Variants in CERKL observed in about 807,000 individuals in gnomAD.
The protein encoded by CERKL is CERK like autophagy regulator.
Under a neutral mutation model 63.4 loss-of-function variants are expected in CERKL, and 61 were observed. The ratio of observed to expected loss-of-function variants is 0.96; its 90% CI spans 0.78 to 1.19. The LOEUF is 1.19. Among genes scored for constraint, CERKL ranks in the 50% most tolerant of loss-of-function variants. The pLI is 0.00. For missense variants in CERKL, 675 were observed against 655.5 expected (o/e 1.03, Z -0.33); for synonymous variants, 250 against 230.5 (o/e 1.08, Z -0.77).
intron 5 of CERKL, among the ~76,000 whole-genome samples, chr2:181,555,163 T>A (rs1160678964): frequency 6.6e-6 from 1 of 152,146 alleles, no homozygotes; most frequent in Non-Finnish European, 1.5e-5. Flanking sequence ...AACCACCAAA[T>A]TTATGTCAAA....
At chr2:181,614,543 A>G (rs891746964) in intron 1 of CERKL, among the ~76,000 whole-genome samples, 8 of 152,184 alleles carry the variant, frequency 5.3e-5, no homozygotes, top group Non-Finnish European at 4.4e-5. Context: ...ATAAAATTTT[A>G]CTTATAAATT....
intron 11 of CERKL, among the ~76,000 whole-genome samples, chr2:181,543,899 G>A (rs1170997841): frequency 1.3e-5 from 2 of 149,650 alleles, no homozygotes; most frequent in Admixed American, 6.8e-5. Context: ...CAGGAGAATC[G>A]CTTGAACGTG....
At chr2:181,557,485 C>A (rs1253226240) in intron 5 of CERKL, among the ~76,000 whole-genome samples, 1 of 151,990 alleles carries the variant, frequency 6.6e-6, no homozygotes, top group Admixed American at 6.6e-5. Context: ...CAGCACCGTT[C>A]GTTAAATAGG....
chr2:181,653,668 C>T (rs999486694), intron 1 of CERKL, among the ~76,000 whole-genome samples: 2 of 152,156 alleles, frequency 1.3e-5, no homozygotes, highest in African/African-American at 2.4e-5. Flanking sequence ...TACCACATGT[C>T]ACTCACATGT....
intron 8 of CERKL, chr2:181,548,212 T>C: frequency 2.0e-6 from 1 of 509,664 alleles, no homozygotes; most frequent in African/African-American, 2.0e-5. Flanking sequence ...GTGCCTGGCA[T>C]ATAGTAGGCA....
In CERKL at chr2:181,536,830, C is replaced by T. The variant is rs1474396669; in HGVS notation, c.*1354G>A. 1 of 350,916 alleles carries T rather than the reference C, an allele frequency of 2.8e-6. No individual in the cohort carries two copies. Among genetic ancestry groups the T allele is most frequent in the East Asian group, 8.1e-5 (1 of 12,318 alleles). 21.7% of individuals were successfully genotyped at this position (350,916 alleles called of 1,614,324 possible). A position where few individuals can be genotyped will look rare whatever the true frequency, so the allele number is the denominator to read the frequency against. ...AGATAATTGCAGAATATCATTTTAT[C>T]TGACTCTGCCTTCATAAGAGAGCTG... On this transcript the variant is annotated 3_prime_UTR_variant, in exon 13 of 13. Transcript: ENST00000410087.
chr2:181,538,242 A>G lies in CERKL; in HGVS notation c.1541T>C (p.Leu514Ser), dbSNP rs577490028. The change falls in exon 13 of 13, where the codon TTG becomes TCG. Residue 514 changes from leucine (L) to serine (S), a missense_variant and splice_region_variant. By Grantham distance (145) the Leu-to-Ser change is moderately radical (BLOSUM62 -2). Coordinates refer to ENST00000410087, the MANE Select transcript of CERKL (RefSeq NM_201548.5). Reference protein sequence around the residue: ...MEVASEVHIRLHPRLISLYGG... With the variant: ...MEVASEVHIRSHPRLISLYGG... The stretch of plus-strand genomic sequence containing the variant: ...ATAAAGACTGATAAGTCTTGGATGC[A>G]ATCTGTAAAGAAAATACATTATTTC... 4.1e-5 allele frequency: 64 copies of G among 1,569,242 alleles called. 1 individual carries two copies. In the South Asian group the frequency reaches 6.8e-4, roughly 17 times the overall value.
intron 11 of CERKL, among the ~76,000 whole-genome samples, chr2:181,543,419 TAAAG>T (rs1215892640): frequency 1.3e-5 from 2 of 152,168 alleles, no homozygotes; most frequent in Non-Finnish European, 2.9e-5. Context: ...CTTTGACATA[TAAAG>T]AAAGTGGGAC....
intron 1 of CERKL, among the ~76,000 whole-genome samples, chr2:181,604,832 T>C (rs1240686530): frequency 1.3e-5 from 2 of 151,104 alleles, no homozygotes; most frequent in Admixed American, 6.6e-5. Flanking sequence ...TAGGAGGAAA[T>C]AGCCCCCTGA....
At chr2:181,655,620 A>G (rs561104374) in intron 1 of CERKL, among the ~76,000 whole-genome samples, 4 of 152,374 alleles carry the variant, frequency 2.6e-5, no homozygotes, top group Non-Finnish European at 5.9e-5. Context: ...AATCGCAACC[A>G]GTGCTGAATC....
At chr2:181,561,004 A>T (rs1688415938) in intron 4 of CERKL, among the ~76,000 whole-genome samples, 1 of 152,186 alleles carries the variant, frequency 6.6e-6, no homozygotes, top group Admixed American at 6.5e-5. Context: ...CCTTTTGGCC[A>T]TGAAGGTCAC....
chr2:181,573,522 A>G (rs912025912), intron 3 of CERKL, among the ~76,000 whole-genome samples: 1 of 152,222 alleles, frequency 6.6e-6, no homozygotes, highest in African/African-American at 2.4e-5. Context: ...CAATTGTTTA[A>G]GTCTGAAAAA....
rs534791684 is a variant in CERKL, at chr2:181,558,738, C to T, written c.678-30G>A. ...AAAAATACAAATCAAGCAAAGAAGG[C>T]AAAACTTCAGAATGATTGGTAATAA... On this transcript the variant is annotated intron_variant, in intron 4 of 12. Coordinates refer to ENST00000410087, the MANE Select transcript of CERKL (RefSeq NM_201548.5). This position sits in a 1 kb window ranked among gnomAD's most constrained non-coding sequence, Gnocchi z 4.2. The T allele has an allele frequency of 6.2e-7, 1 of 1,611,372 alleles. No homozygotes were observed. Among genetic ancestry groups the T allele is most frequent in the Non-Finnish European group, 8.5e-7 (1 of 1,178,114 alleles).
At chr2:181,554,685 C>G (rs1004445026) in intron 5 of CERKL, among the ~76,000 whole-genome samples, 1 of 152,122 alleles carries the variant, frequency 6.6e-6, no homozygotes, top group Admixed American at 6.6e-5. Flanking sequence ...CCATTTGAGT[C>G]TGACCATAAT....
At chr2:181,559,924 G>C (rs1474729726) in intron 4 of CERKL, among the ~76,000 whole-genome samples, 1 of 152,128 alleles carries the variant, frequency 6.6e-6, no homozygotes, top group Admixed American at 6.5e-5. Flanking sequence ...CTCAAGATAT[G>C]ACCCAGGTCA....
chr2:181,538,713 C>A (rs1687333978), intron 12 of CERKL, among the ~76,000 whole-genome samples: 1 of 152,080 alleles, frequency 6.6e-6, no homozygotes, highest in South Asian at 2.1e-4. Flanking sequence ...TGAGAGGAAA[C>A]TAAGATGGAA....
chr2:181,611,529 A>G (rs977014538), intron 1 of CERKL, among the ~76,000 whole-genome samples: 1 of 151,966 alleles, frequency 6.6e-6, no homozygotes, highest in Non-Finnish European at 1.5e-5. Flanking sequence ...AAACAAAATA[A>G]ACCAAATAAG....
At chr2:181,572,793 TTTG>T (rs1574461552) in intron 3 of CERKL, among the ~76,000 whole-genome samples, 1 of 151,148 alleles carries the variant, frequency 6.6e-6, no homozygotes, top group African/African-American at 2.4e-5. Context: ...TTTTTTTTTT[TTTG>T]AACTTTCTTC....
chr2:181,576,267 C>A (rs1684209782), intron 2 of CERKL, among the ~76,000 whole-genome samples: 1 of 152,198 alleles, frequency 6.6e-6, no homozygotes, highest in East Asian at 1.9e-4. Context: ...TAAGAATCAC[C>A]AATGGGTGCC....
Sources: allele counts gnomAD v4.1 joint callset (sites outside exome capture counted in the v4.1 genomes callset), GRCh38; gene constraint gnomAD v4.1.1; non-coding constraint Gnocchi (gnomAD v3.1); transcripts MANE v1.5; gene names NCBI Gene and HGNC (gene_info 2026-07-23, HGNC 2026-07-21).